Variants in PIEZO2 observed in about 807,000 individuals in gnomAD.
PIEZO2 encodes piezo type mechanosensitive ion channel component 2.
PIEZO2 carries 172 observed loss-of-function variants against 337.3 expected under a neutral mutation model. The ratio of observed to expected loss-of-function variants is 0.51; its 90% CI spans 0.45 to 0.58. PIEZO2 has a LOEUF of 0.58. Ranked by LOEUF, PIEZO2 falls within the 20% of genes least tolerant of loss-of-function variation. The pLI, the probability that PIEZO2 is intolerant of heterozygous loss-of-function variation, is 0.00. For missense variants in PIEZO2, 3,028 were observed against 3,391.3 expected, an observed-to-expected ratio of 0.89 and a Z score of 2.66; for synonymous variants, 1,251 against 1,228.5, an observed-to-expected ratio of 1.02 and a Z score of -0.38.
intron 5 of PIEZO2, among the ~76,000 whole-genome samples, chr18:10,864,250 C>T (rs1409348298): frequency 1.3e-5 from 2 of 152,212 alleles, no homozygotes; most frequent in Non-Finnish European, 2.9e-5. Flanking sequence ...CTCCACTCAG[C>T]ACTTTTTTAA....
rs760555518 is a variant in PIEZO2, at chr18:11,070,589, G to T, written c.65-4367C>A. On this transcript the variant is annotated intron_variant, in intron 1 of 55. Transcript: ENST00000674853. This position sits in a 1 kb window ranked among gnomAD's most constrained non-coding sequence, Gnocchi z 4.3. ...GAAAGCCTAGCTTCACAAAGGGAAAGGTTTTCACAAAAGAAGTCCACTGCA... is the reference window on the plus strand; with the variant it reads ...GAAAGCCTAGCTTCACAAAGGGAAATGTTTTCACAAAAGAAGTCCACTGCA... Among the ~76,000 whole-genome samples, 1 of 152,220 alleles carries T rather than the reference G, an allele frequency of 6.6e-6. No homozygotes were observed. The highest frequency in any genetic ancestry group is 2.4e-5 in the African/African-American group (1 of 41,460).
intron 1 of PIEZO2, among the ~76,000 whole-genome samples, chr18:11,074,510 C>G (rs997659349): frequency 6.6e-6 from 1 of 152,166 alleles, no homozygotes; most frequent in Non-Finnish European, 1.5e-5. Flanking sequence ...GAAGAACTCA[C>G]AATCAAAAAC....
Position 11,111,626 on chromosome 18 carries a change from C to G in PIEZO2, c.64+36899G>C, listed in dbSNP as rs1382835515. 6.6e-6 allele frequency among the ~76,000 whole-genome samples: 1 copy of G among 152,062 alleles called. No homozygotes were observed. Among genetic ancestry groups the G allele is most frequent in the Non-Finnish European group, 1.5e-5 (1 of 68,018 alleles). On this transcript the variant is annotated intron_variant, in intron 1 of 55. Transcript: ENST00000674853. This position sits in a 1 kb window ranked among gnomAD's most constrained non-coding sequence, Gnocchi z 6.2. ...TCAAGAGTCTTGATCCAGTTCTTCT[C>G]CTGCCACCCCCAACTTCCTCTCTCC...
intron 4 of PIEZO2, among the ~76,000 whole-genome samples, chr18:10,904,382 T>C (rs886369819): frequency 3.9e-5 from 6 of 152,254 alleles, no homozygotes; most frequent in African/African-American, 1.4e-4. Flanking sequence ...TTCTAAGATT[T>C]GACTTTACTC....
intron 49 of PIEZO2, among the ~76,000 whole-genome samples, chr18:10,683,315 A>T (rs1598350495): frequency 6.6e-6 from 1 of 152,252 alleles, no homozygotes; most frequent in Non-Finnish European, 1.5e-5. Flanking sequence ...ACAAGCCTGG[A>T]CACTAAGTGC....
intron 3 of PIEZO2, among the ~76,000 whole-genome samples, chr18:10,956,999 T>C (rs1204518333): frequency 6.8e-6 from 1 of 147,386 alleles, no homozygotes; most frequent in Admixed American, 6.7e-5. Context: ...AATCATCCAG[T>C]GGAACAGGAT....
At chr18:10,904,914 A>G (rs2145030574) in intron 4 of PIEZO2, among the ~76,000 whole-genome samples, 1 of 152,370 alleles carries the variant, frequency 6.6e-6, no homozygotes, top group Non-Finnish European at 1.5e-5. Flanking sequence ...TAAGTATTTG[A>G]TAAATCACAC....
chr18:10,800,683 A>G (rs944334172), intron 10 of PIEZO2, among the ~76,000 whole-genome samples: 1 of 152,276 alleles, frequency 6.6e-6, no homozygotes, highest in Non-Finnish European at 1.5e-5. Flanking sequence ...GATCGCAGGA[A>G]AATGTGCATC....
Position 10,750,202 on chromosome 18 carries a change from AG to A in PIEZO2, c.4168-16del. The stretch of plus-strand genomic sequence containing the variant: ...CATGCTCCTATCTGAAAAACAAAAG[AG>A]GGGGATAATCCTGAAGCTCTGCAGC... On this transcript the variant is annotated splice_polypyrimidine_tract_variant and intron_variant, in intron 28 of 55. Transcript: ENST00000674853. The surrounding 1 kb of genome is among the most constrained non-coding windows in gnomAD (Gnocchi z 4.1). The A allele has an allele frequency of 6.6e-7, 1 of 1,520,358 alleles. No homozygotes were observed. The highest frequency in any genetic ancestry group is 8.8e-7 in the Non-Finnish European group (1 of 1,131,596). The allele number at this position is 1,520,358 out of a possible 1,614,324, so 94.2% of individuals were successfully genotyped here.
chr18:10,750,280 G>T lies in PIEZO2; in HGVS notation c.4168-93C>A. On this transcript the variant is annotated intron_variant, in intron 28 of 55. Transcript: ENST00000674853. The surrounding 1 kb of genome is among the most constrained non-coding windows in gnomAD (Gnocchi z 4.1). ...CCCAACATGTGCAAGAATTCACAAG[G>T]TCTCAGTGATAAGGATTCCAGGAGA... 1 of 904,352 alleles carries T rather than the reference G, an allele frequency of 1.1e-6. No homozygotes were observed. Among genetic ancestry groups the T allele is most frequent in the Non-Finnish European group, 1.7e-6 (1 of 575,352 alleles). The allele number at this position is 904,352 out of a possible 1,614,324, so 56.0% of individuals were successfully genotyped here. A position where few individuals can be genotyped will look rare whatever the true frequency, so the allele number is the denominator to read the frequency against.
At position 10,833,091 on chromosome 18, in the gene PIEZO2, C is replaced by T. The variant is rs1002066589; in HGVS notation, c.917+22262G>A. Among the ~76,000 whole-genome samples the T allele has an allele frequency of 5.9e-5, 9 of 152,120 alleles. No homozygotes were observed. Among genetic ancestry groups the T allele is most frequent in the Admixed American group, 2.6e-4 (4 of 15,284 alleles). On this transcript the variant is annotated intron_variant, in intron 7 of 55. Transcript: ENST00000674853. The surrounding 1 kb of genome is among the most constrained non-coding windows in gnomAD (Gnocchi z 4.7). ...TGGCAGCTCTTGGCAGACATGCCAT[C>T]GAGAGAAATCTCAGCCCCAGAAGAG...
chr18:10,789,221 C>T lies in PIEZO2; in HGVS notation c.2027G>A (p.Gly676Asp), dbSNP rs1393504347. 6.5e-7 allele frequency: 1 copy of T among 1,537,164 alleles called. No homozygotes were observed. The highest frequency in any genetic ancestry group is 8.7e-7 in the Non-Finnish European group (1 of 1,146,914). The change falls in exon 15 of 56, where the codon GGC (glycine) becomes GAC (aspartate). Residue 676 changes from glycine (G) to aspartate (D), a missense_variant. Gly to Asp is a moderately conservative substitution (Grantham distance 94, BLOSUM62 -1). Transcript: ENST00000674853. ...EDEQDIMKVL[G>D]NLVVAMFIKY... ...GATGAACATGGCCACCACCAGATTG[C>T]CCAGGACTTTCATGATGTCCTGCTC...
chr18:10,797,229 T>C (rs562249060), intron 12 of PIEZO2, 145 bp downstream of exon 12: 4 of 622,810 alleles, frequency 6.4e-6, no homozygotes, highest in East Asian at 5.6e-5. Flanking sequence ...CCATCATATA[T>C]GTACTATCAT....
At chr18:10,925,863 T>C (rs562435003) in intron 3 of PIEZO2, among the ~76,000 whole-genome samples, 2 of 151,412 alleles carry the variant, frequency 1.3e-5, no homozygotes, top group African/African-American at 2.4e-5. Flanking sequence ...TCACCGCGCC[T>C]GGCCAAAAGT....
chr18:10,922,420 A>G (rs2031478505), intron 3 of PIEZO2, among the ~76,000 whole-genome samples: 1 of 152,132 alleles, frequency 6.6e-6, no homozygotes. Flanking sequence ...GAGGTGAGAC[A>G]GACAAAGAGA....
At chr18:11,084,143 C>T (rs1361842735) in intron 1 of PIEZO2, among the ~76,000 whole-genome samples, 2 of 133,856 alleles carry the variant, frequency 1.5e-5, no homozygotes, top group East Asian at 4.4e-4. Context: ...CATCATTTTA[C>T]TCCAGCCTGG....
At chr18:11,029,602 C>T (rs1469208058) in intron 2 of PIEZO2, among the ~76,000 whole-genome samples, 1 of 152,166 alleles carries the variant, frequency 6.6e-6, no homozygotes, top group Non-Finnish European at 1.5e-5. Flanking sequence ...AGGCTAAACC[C>T]TTTCACTATT....
intron 7 of PIEZO2, among the ~76,000 whole-genome samples, chr18:10,823,031 A>C (rs2040566499): frequency 6.6e-6 from 1 of 152,158 alleles, no homozygotes; most frequent in African/African-American, 2.4e-5. Flanking sequence ...AAATGATATA[A>C]CTTTTTCTTT....
rs1437804276 is a variant in PIEZO2 at position 10,673,524 on chromosome 18, G to A, written c.8162-651C>T. On this transcript the variant is annotated intron_variant, in intron 54 of 55. Coordinates refer to ENST00000674853, the MANE Select transcript of PIEZO2 (RefSeq NM_001378183.1). The surrounding 1 kb of genome is among the most constrained non-coding windows in gnomAD (Gnocchi z 4.8). ...CAATAGGTGAAGGTGGGTGAGGAGG[G>A]AAGCTCATTTCAGGAAGAGTGATGG... Among the ~76,000 whole-genome samples, 1 of 152,154 alleles carries A rather than the reference G, an allele frequency of 6.6e-6. No individual in the cohort carries two copies. The highest frequency in any genetic ancestry group is 1.5e-5 in the Non-Finnish European group (1 of 68,026).
Sources: gnomAD v4.1 joint callset for allele counts (sites outside exome capture counted in the v4.1 genomes callset) on GRCh38, gnomAD v4.1.1 for gene constraint, Gnocchi (gnomAD v3.1) non-coding constraint, MANE v1.5 for transcripts, NCBI Gene and HGNC (gene_info 2026-07-23, HGNC 2026-07-21) for gene names.